SLC44A2: variants seen among roughly 807,000 people sequenced by gnomAD.
SLC44A2 encodes the protein choline transporter-like protein 2.
In SLC44A2, 57 loss-of-function variants were observed where a neutral mutation model predicts 90.8. The observed-to-expected ratio is 0.63, with a 90% confidence interval of 0.51 to 0.78. The LOEUF is 0.78. SLC44A2 is among the 30% of genes least tolerant of loss of function. The pLI is 0.00. For synonymous variants in SLC44A2, 355 were observed against 360.7 expected (o/e 0.98, Z 0.18); for missense variants, 794 against 919.7 (o/e 0.86, Z 1.77).
chr19:10,611,194 G>A (rs1221618370), intron 1 of SLC44A2, among the ~76,000 whole-genome samples: 1 of 151,894 alleles, frequency 6.6e-6, no homozygotes, highest in Non-Finnish European at 1.5e-5. Flanking sequence ...CCTCACGCCT[G>A]TAATCCCAGC....
At chr19:10,627,166 C>A (rs927619010) in intron 2 of SLC44A2, among the ~76,000 whole-genome samples, 4 of 151,468 alleles carry the variant, frequency 2.6e-5, no homozygotes, top group African/African-American at 9.7e-5. Context: ...ACTAAAAATA[C>A]AAGAATTAGC....
At position 10,631,137 on chromosome 19, in the gene SLC44A2, C is replaced by T. The variant is rs757860968; in HGVS notation, c.326C>T (p.Pro109Leu). ...LVLLEFQCPT[P>L]QICVEKCPDR... ...CTGCTGGAATTCCAATGTCCCACTCCCCAGGTAACCTGGTCCCCACCGTTC... is the reference window on the plus strand; with the variant it reads ...CTGCTGGAATTCCAATGTCCCACTCTCCAGGTAACCTGGTCCCCACCGTTC... The change falls in exon 5 of 22, where the codon CCC (proline) becomes CTC (leucine). Residue 109 changes from proline to leucine, a missense_variant. Physicochemically the swap from Pro to Leu is moderately conservative, Grantham distance 98. Coordinates refer to ENST00000335757, the MANE Select transcript of SLC44A2 (RefSeq NM_020428.4). The T allele has an allele frequency of 5.0e-6, 8 of 1,613,656 alleles. No homozygotes were observed. Among genetic ancestry groups the T allele is most frequent in the Non-Finnish European group, 5.9e-6 (7 of 1,179,752 alleles).
intron 1 of SLC44A2, among the ~76,000 whole-genome samples, chr19:10,613,117 G>T (rs1476387155): frequency 6.6e-6 from 1 of 152,094 alleles, no homozygotes; most frequent in Non-Finnish European, 1.5e-5. Context: ...GAGTGCAGTG[G>T]CGTGATCACA....
chr19:10,631,214 C>T (rs2066990335), intron 5 of SLC44A2, 61 bp from the exon 6 acceptor site: 4 of 1,601,442 alleles, frequency 2.5e-6, no homozygotes, highest in African/African-American at 1.3e-5. Flanking sequence ...ATGTGGGCTG[C>T]GACCTCAGTC....
At chr19:10,604,834 C>T (rs532926482) in intron 1 of SLC44A2, among the ~76,000 whole-genome samples, 16 of 152,248 alleles carry the variant, frequency 1.1e-4, no homozygotes, top group African/African-American at 3.9e-4. Context: ...AAGGCATTGA[C>T]TTGGGTGAGA....
rs1215113915 is a variant in SLC44A2 at position 10,635,627 on chromosome 19, T to TA, written c.1233+112_1233+113insA. On this transcript the variant is annotated intron_variant, in intron 14 of 21. Transcript: ENST00000335757. ...GCAAACAATTGGCCCCTGTTGCATG[T>TA]CCTGTGCTAGGTGTGGGGGAGGACG... 3.1e-6 allele frequency: 3 copies of TA among 960,864 alleles called. No individual in the cohort carries two copies. The East Asian group carries it at 7.2e-5, about 23-fold the overall frequency. 59.5% of individuals were successfully genotyped at this position (960,864 alleles called of 1,614,324 possible). A position where few individuals can be genotyped will look rare whatever the true frequency, so the allele number is the denominator to read the frequency against.
chr19:10,640,955 T>G, intron 20 of SLC44A2: 1 of 268,518 alleles, frequency 3.7e-6, no homozygotes, highest in Non-Finnish European at 7.4e-6. Context: ...GGTGTGCTGG[T>G]ACGCACCTGT....
intron 1 of SLC44A2, among the ~76,000 whole-genome samples, chr19:10,602,786 G>A (rs1269961637): frequency 6.6e-6 from 1 of 152,174 alleles, no homozygotes; most frequent in Non-Finnish European, 1.5e-5. Flanking sequence ...CTGATGGGCC[G>A]GGGCTCACGG....
chr19:10,622,953 T>C (rs568996847), upstream of SLC44A2, among the ~76,000 whole-genome samples: 1 of 152,090 alleles, frequency 6.6e-6, no homozygotes, highest in East Asian at 1.9e-4. Context: ...TGCTCACGTG[T>C]GTTGGGGGGA....
chr19:10,628,111 G>A (rs1031163140), intron 4 of SLC44A2, 107 bp downstream of exon 4: 10 of 1,047,530 alleles, frequency 9.5e-6, no homozygotes, highest in South Asian at 4.2e-5. Flanking sequence ...TAGGCTGGGC[G>A]CGGTGACTCA....
chr19:10,625,394 A>C, upstream of SLC44A2: 28 of 1,055,206 alleles, frequency 2.7e-5, no homozygotes, highest in South Asian at 4.9e-5. Flanking sequence ...GGGGAAGGCT[A>C]AATGCGGCCG....
intron 1 of SLC44A2, among the ~76,000 whole-genome samples, chr19:10,613,257 T>C (rs1296205369): frequency 2.0e-5 from 3 of 146,406 alleles, no homozygotes; most frequent in African/African-American, 7.5e-5. Context: ...TTTTCTTTCT[T>C]TTTTTTTTTT....
At chr19:10,620,481 C>T (rs1006857759) in intron 1 of SLC44A2, among the ~76,000 whole-genome samples, 6 of 152,016 alleles carry the variant, frequency 3.9e-5, no homozygotes, top group Non-Finnish European at 7.4e-5. Flanking sequence ...AAACAAAAAA[C>T]GCAAATTAAT....
At chr19:10,619,128 G>A (rs888112101) in intron 1 of SLC44A2, among the ~76,000 whole-genome samples, 4 of 151,362 alleles carry the variant, frequency 2.6e-5, no homozygotes, top group Non-Finnish European at 4.4e-5. Flanking sequence ...CATCATGCCC[G>A]GCTAGTTTTT....
In SLC44A2 at chr19:10,631,295, C is replaced by A. The variant is rs150141328; in HGVS notation, c.351C>A (p.Pro117=). The A allele has an allele frequency of 1.5e-5, 25 of 1,613,986 alleles. No homozygotes were observed. The African/African-American group carries it at 2.5e-4, about 16-fold the overall frequency. ...CCCAGATCTGCGTGGAAAAATGCCC[C>A]GACCGCTACCTCACGTACCTGAATG... ...PTPQICVEKC[P]DRYLTYLNAR... Residue 117 remains proline, a synonymous_variant, in exon 6 of 22, where the codon CCC becomes CCA. Coordinates refer to ENST00000335757, the MANE Select transcript of SLC44A2 (RefSeq NM_020428.4).
intron 1 of SLC44A2, among the ~76,000 whole-genome samples, chr19:10,617,839 C>A (rs1342931071): frequency 6.6e-6 from 1 of 152,178 alleles, no homozygotes; most frequent in African/African-American, 2.4e-5. Flanking sequence ...CAGCCGCTCA[C>A]CCTCTGCCAT....
chr19:10,615,912 C>T (rs1175577362), intron 1 of SLC44A2, among the ~76,000 whole-genome samples: 2 of 152,058 alleles, frequency 1.3e-5, no homozygotes, highest in Non-Finnish European at 2.9e-5. Flanking sequence ...CACCTGTGAT[C>T]CCAGCACTTT....
chr19:10,621,687 C>T (rs763555217), upstream of SLC44A2, among the ~76,000 whole-genome samples: 1 of 152,078 alleles, frequency 6.6e-6, no homozygotes, highest in African/African-American at 2.4e-5. Context: ...GGCATGATCT[C>T]AGCTTGCTGC....
rs368423694 is a variant in SLC44A2, at chr19:10,636,596, G to A, written c.1496+11G>A. ...TGGCCGGGCGCTCAGGTGGGCTGGC[G>A]TTGCAGGCAGGATGGGGTGGAGGAC... On this transcript the variant is annotated intron_variant, in intron 15 of 21. Coordinates refer to ENST00000335757, the MANE Select transcript of SLC44A2 (RefSeq NM_020428.4). 36 of 1,604,034 alleles carry A rather than the reference G, an allele frequency of 2.2e-5. No homozygotes were observed. In the African/African-American group the frequency reaches 3.6e-4, roughly 16 times the overall value.
Sources: gnomAD v4.1 joint callset for allele counts (sites outside exome capture counted in the v4.1 genomes callset) on GRCh38, gnomAD v4.1.1 for gene constraint, MANE v1.5 for transcripts, NCBI Gene and HGNC (gene_info 2026-07-23, HGNC 2026-07-21) for gene names.